The following PRR16 variants were observed in gnomAD, a reference collection of about 807,000 sequenced individuals.
The protein encoded by PRR16 is protein Largen.
Under a neutral mutation model 18.2 loss-of-function variants are expected in PRR16, and 6 were observed. The observed-to-expected ratio is 0.33, with a 90% CI of 0.18 to 0.65. The LOEUF is 0.65. PRR16 is among the 30% of genes least tolerant of loss of function. The pLI, the probability that PRR16 is intolerant of heterozygous loss-of-function variation, is 0.74. For missense variants in PRR16, 412 were observed against 376.6 expected (o/e 1.09, Z -0.78); for synonymous variants, 151 against 147.8 (o/e 1.02, Z -0.16).
intron 1 of PRR16, among the ~76,000 whole-genome samples, chr5:120,468,888 CAT>C (rs1026630868): frequency 6.6e-6 from 1 of 152,160 alleles, no homozygotes; most frequent in African/African-American, 2.4e-5. Context: ...AGTTGAAAAA[CAT>C]ATGTAAATAA....
At chr5:120,562,424 A>G (rs1752604896) in intron 1 of PRR16, among the ~76,000 whole-genome samples, 5 of 152,052 alleles carry the variant, frequency 3.3e-5, no homozygotes, top group African/African-American at 9.7e-5. Flanking sequence ...CTTTTTTTAT[A>G]TACATACAGT....
rs568883867 is a variant in PRR16, at chr5:120,669,870, T to C, written c.160-16084T>C. On this transcript the variant is annotated intron_variant, in intron 1 of 1. Transcript: ENST00000407149. ...TGAAGTACAATAGAAATATACCGTT[T>C]TGAACACTGGGGGCTTTGATTTTTT... Among the ~76,000 whole-genome samples, 6 of 152,188 alleles carry C rather than the reference T, an allele frequency of 3.9e-5. No individual in the cohort carries two copies. The South Asian group carries it at 1.2e-3, about 32-fold the overall frequency.
chr5:120,536,904 G>T (rs1561536006), intron 1 of PRR16, among the ~76,000 whole-genome samples: 2 of 152,198 alleles, frequency 1.3e-5, no homozygotes, highest in Non-Finnish European at 2.9e-5. Context: ...AGCATGTGTA[G>T]AGCTGGAGGC....
rs143895093 is a variant in PRR16 at position 120,487,910 on chromosome 5, C to T, written c.159+23265C>T. Among the ~76,000 whole-genome samples, 692 of 151,980 alleles carry T rather than the reference C, an allele frequency of 4.6e-3. 9 individuals carry two copies. Among genetic ancestry groups the T allele is most frequent in the African/African-American group, 0.016 (655 of 41,480 alleles). On this transcript the variant is annotated intron_variant, in intron 1 of 1. Transcript: ENST00000407149. ...TTCTGCATCTATTGATATAATCATG[C>T]GGTTTTTGTCTTTGTTTCTGTTTAT...
intron 1 of PRR16, among the ~76,000 whole-genome samples, chr5:120,517,849 C>T (rs2112646876): frequency 6.6e-6 from 1 of 152,288 alleles, no homozygotes; most frequent in South Asian, 2.1e-4. Context: ...TTCATCTTTG[C>T]CACTGCTCTC....
chr5:120,736,372 C>G, the PRR16 span, among the ~76,000 whole-genome samples: 1 of 151,996 alleles, frequency 6.6e-6, no homozygotes, highest in African/African-American at 2.4e-5. Flanking sequence ...TCAAGTGATT[C>G]TCCTGAGTCA....
chr5:120,542,547 C>T (rs1375812369), intron 1 of PRR16, among the ~76,000 whole-genome samples: 3 of 152,078 alleles, frequency 2.0e-5, no homozygotes, highest in African/African-American at 7.2e-5. Flanking sequence ...TCTTCTATTT[C>T]AGGACCCAAA....
At chr5:120,702,070 C>A in the PRR16 span, among the ~76,000 whole-genome samples, 2 of 151,722 alleles carry the variant, frequency 1.3e-5, no homozygotes, top group South Asian at 2.1e-4. Context: ...AAAGATTGCC[C>A]ATAGTGAGGG....
chr5:120,670,085 A>G (rs1320057984), intron 1 of PRR16, among the ~76,000 whole-genome samples: 3 of 152,140 alleles, frequency 2.0e-5, no homozygotes, highest in African/African-American at 7.2e-5. Context: ...TTATATTTGG[A>G]CATGTGAAAA....
chr5:120,746,031 A>G, the PRR16 span, among the ~76,000 whole-genome samples: 1 of 151,836 alleles, frequency 6.6e-6, no homozygotes, highest in Admixed American at 6.6e-5. Context: ...TGCATTCATA[A>G]TTTTAGTTTG....
At chr5:120,634,403 G>C (rs1483996215) in intron 1 of PRR16, among the ~76,000 whole-genome samples, 1 of 152,150 alleles carries the variant, frequency 6.6e-6, no homozygotes, top group African/African-American at 2.4e-5. Context: ...CAGCACTTTG[G>C]GAGGCCAAGG....
At chr5:120,589,266 G>T (rs1043919774) in intron 1 of PRR16, among the ~76,000 whole-genome samples, 5 of 152,004 alleles carry the variant, frequency 3.3e-5, no homozygotes, top group African/African-American at 9.7e-5. Flanking sequence ...GCTGAAACAT[G>T]CCTAATTTCT....
intron 1 of PRR16, among the ~76,000 whole-genome samples, chr5:120,468,862 A>G (rs544197704): frequency 2.0e-5 from 3 of 152,210 alleles, no homozygotes; most frequent in Non-Finnish European, 2.9e-5. Context: ...ATTTCAAGTA[A>G]CAAGGCTACT....
chr5:120,738,049 C>G, the PRR16 span, among the ~76,000 whole-genome samples: 4 of 151,788 alleles, frequency 2.6e-5, no homozygotes, highest in South Asian at 8.3e-4. Flanking sequence ...TAAGAAAATG[C>G]CTTTTTGGGC....
intron 1 of PRR16, among the ~76,000 whole-genome samples, chr5:120,478,519 A>C (rs1749512995): frequency 6.6e-6 from 1 of 152,136 alleles, no homozygotes; most frequent in Admixed American, 6.6e-5. Flanking sequence ...TTTAAAAAAT[A>C]TTAACTCATG....
chr5:120,629,364 A>G (rs564406605), intron 1 of PRR16, among the ~76,000 whole-genome samples: 1 of 152,198 alleles, frequency 6.6e-6, no homozygotes, highest in South Asian at 2.1e-4. Flanking sequence ...GCTGGGTGAA[A>G]TGGTAATTTT....
intron 1 of PRR16, among the ~76,000 whole-genome samples, chr5:120,580,831 G>T (rs1275168505): frequency 6.6e-6 from 1 of 152,160 alleles, no homozygotes; most frequent in East Asian, 1.9e-4. Context: ...TACATTTATT[G>T]ATTTGCATAT....
At chr5:120,586,678 G>GTA (rs1160261676) in intron 1 of PRR16, among the ~76,000 whole-genome samples, 1 of 152,100 alleles carries the variant, frequency 6.6e-6, no homozygotes, top group Non-Finnish European at 1.5e-5. Flanking sequence ...GAAATGTTGT[G>GTA]TATGTTCTGA....
chr5:120,770,901 CTG>C, the PRR16 span, among the ~76,000 whole-genome samples: 5 of 148,716 alleles, frequency 3.4e-5, no homozygotes, highest in African/African-American at 7.5e-5. Context: ...TCCCATAACT[CTG>C]TGAGTATTTG....
Sources: allele counts gnomAD v4.1 joint callset (sites outside exome capture counted in the v4.1 genomes callset), GRCh38; gene constraint gnomAD v4.1.1; transcripts MANE v1.5; gene names NCBI Gene and HGNC (gene_info 2026-07-23, HGNC 2026-07-21).